ITSN1: variants seen among roughly 807,000 people sequenced by gnomAD.
ITSN1 encodes the protein intersectin-1.
Under a neutral mutation model 239.8 loss-of-function variants are expected in ITSN1, and 58 were observed. The observed-to-expected ratio is 0.24, with a 90% CI of 0.20 to 0.30. ITSN1 has a LOEUF of 0.30. Among genes scored for constraint, ITSN1 ranks in the 10% least tolerant of loss-of-function variants. The probability of loss-of-function intolerance (pLI) is 1.00; values close to 1 mark genes in which losing one functional copy is unlikely to be tolerated. For synonymous variants in ITSN1, 780 were observed against 770.8 expected, an observed-to-expected ratio of 1.01 and a Z score of -0.20; for missense variants, 1,558 against 2,103.3, an observed-to-expected ratio of 0.74 and a Z score of 5.07.
chr21:33,880,748 C>G (rs1156349122), intron 34 of ITSN1, among the ~76,000 whole-genome samples: 1 of 152,154 alleles, frequency 6.6e-6, no homozygotes, highest in Non-Finnish European at 1.5e-5. Flanking sequence ...CAGGACAGAG[C>G]TCCGGAGCGC....
In ITSN1 at chr21:33,642,611, C is replaced by G. The variant is rs1006782667; in HGVS notation, c.-135C>G. ...GCTCCGGGACGGACAGAGAGGCGGG[C>G]GGGGATGGTGTGCGGGGCTGCGGCT... On this transcript the variant is annotated 5_prime_UTR_variant, in exon 1 of 40. Transcript: ENST00000381318. The G allele has an allele frequency of 7.9e-5, 12 of 152,684 alleles. No homozygotes were observed. The highest frequency in any genetic ancestry group is 2.7e-4 in the African/African-American group (11 of 41,432). The allele number at this position is 152,684 out of a possible 1,614,324, so 9.5% of individuals were successfully genotyped here.
chr21:33,761,954 A>T lies in ITSN1; in HGVS notation c.756A>T (p.Ser252=). 1 of 1,613,896 alleles carries T rather than the reference A, an allele frequency of 6.2e-7. No individual in the cohort carries two copies. Among genetic ancestry groups the T allele is most frequent in the African/African-American group, 1.3e-5 (1 of 75,038 alleles). The part of the protein sequence containing the change: ...GPQARTILMQ[S]SLPQAQLASI... ...AAGCAAGAACTATTCTTATGCAGTC[A>T]AGTTTACCACAGGCTCAGCTGGCTT... The change falls in exon 9 of 40, where the codon TCA becomes TCT. Residue 252 remains serine (S), a synonymous_variant. Coordinates refer to ENST00000381318, the MANE Select transcript of ITSN1 (RefSeq NM_003024.3).
chr21:33,781,406 G>A (rs1054582512), intron 14 of ITSN1, 55 bp from the exon 15 acceptor site: 31 of 927,410 alleles, frequency 3.3e-5, no homozygotes, highest in Middle Eastern at 2.1e-4. Context: ...GGATCTTAAT[G>A]TAGATGTGGT....
chr21:33,670,162 T>G (rs2090177560), intron 1 of ITSN1, among the ~76,000 whole-genome samples: 1 of 152,126 alleles, frequency 6.6e-6, no homozygotes, highest in African/African-American at 2.4e-5. Flanking sequence ...AGGACCAGCT[T>G]GGACAACATA....
chr21:33,819,344 A>G (rs765079997), intron 24 of ITSN1, 21 bp downstream of exon 24: 2 of 1,584,136 alleles, frequency 1.3e-6, no homozygotes, highest in Middle Eastern at 1.7e-4. Context: ...GAGTTGTATT[A>G]TGTTCTTCAG....
intron 1 of ITSN1, among the ~76,000 whole-genome samples, chr21:33,709,803 A>G (rs1359684843): frequency 3.3e-5 from 5 of 152,150 alleles, no homozygotes; most frequent in Non-Finnish European, 7.3e-5. Flanking sequence ...AAATAGTGAT[A>G]TCTGTAAATA....
intron 1 of ITSN1, among the ~76,000 whole-genome samples, chr21:33,704,490 T>C (rs1444164817): frequency 6.6e-6 from 1 of 152,196 alleles, no homozygotes; most frequent in Non-Finnish European, 1.5e-5. Flanking sequence ...ATCCAGACTC[T>C]CTCTTCCATT....
intron 27 of ITSN1, among the ~76,000 whole-genome samples, chr21:33,834,006 T>C (rs1381084611): frequency 6.6e-6 from 1 of 152,042 alleles, no homozygotes; most frequent in African/African-American, 2.4e-5. Context: ...AACAGCTGAG[T>C]GCTAGCATTA....
rs1362702244 is a variant in ITSN1 at position 33,891,144 on chromosome 21, C to T, written c.*2844C>T. On this transcript the variant is annotated 3_prime_UTR_variant, in exon 40 of 40. Transcript: ENST00000381318. ...GATGGACAGCATCATCTCCTGGAAC[C>T]AGGTTTGCTGTGACCATGAGAGCCT... 2 of 152,292 alleles carry T rather than the reference C, an allele frequency of 1.3e-5. No homozygotes were observed. Among genetic ancestry groups the T allele is most frequent in the Non-Finnish European group, 2.9e-5 (2 of 68,120 alleles). The allele number at this position is 152,292 out of a possible 1,614,324, so 9.4% of individuals were successfully genotyped here.
chr21:33,773,002 T>TC (rs1267253760), intron 12 of ITSN1, among the ~76,000 whole-genome samples: 2 of 143,344 alleles, frequency 1.4e-5, no homozygotes, highest in Non-Finnish European at 1.5e-5. Context: ...GCAATCTTCT[T>TC]TTTTTTTTTT....
intron 27 of ITSN1, among the ~76,000 whole-genome samples, chr21:33,830,800 T>A (rs1290386154): frequency 7.9e-5 from 12 of 151,826 alleles, no homozygotes; most frequent in Admixed American, 7.9e-4. Flanking sequence ...AGAATATTCT[T>A]ATTTTTAGGA....
intron 8 of ITSN1, among the ~76,000 whole-genome samples, chr21:33,759,339 G>A (rs1405758649): frequency 6.6e-6 from 1 of 152,212 alleles, no homozygotes; most frequent in Non-Finnish European, 1.5e-5. Flanking sequence ...AGTTAAAGTA[G>A]TTTTGTTAAT....
At chr21:33,721,952 G>GGCT (rs1194414281) in intron 3 of ITSN1, 1 of 149,974 alleles carries the variant, frequency 6.7e-6, no homozygotes, top group Non-Finnish European at 1.5e-5. Context: ...TTGTTACCCA[G>GGCT]GCTGGAGTAC....
chr21:33,736,113 T>G (rs2066485304), intron 5 of ITSN1, among the ~76,000 whole-genome samples: 1 of 152,242 alleles, frequency 6.6e-6, no homozygotes, highest in Non-Finnish European at 1.5e-5. Flanking sequence ...TTCTAGACTT[T>G]AGGTTAATTT....
chr21:33,811,372 T>C (rs2072906728), intron 21 of ITSN1, 150 bp downstream of exon 21: 2 of 681,092 alleles, frequency 2.9e-6, no homozygotes, highest in South Asian at 4.6e-5. Context: ...AGCTGGCGAA[T>C]TGGAGATTAC....
chr21:33,832,405 G>A (rs2074346981), intron 27 of ITSN1, among the ~76,000 whole-genome samples: 1 of 152,208 alleles, frequency 6.6e-6, no homozygotes, highest in African/African-American at 2.4e-5. Context: ...CTAGCACCTT[G>A]GAGGCAGCAG....
intron 30 of ITSN1, among the ~76,000 whole-genome samples, chr21:33,858,170 C>T (rs1388348341): frequency 1.3e-5 from 2 of 152,202 alleles, no homozygotes; most frequent in African/African-American, 4.8e-5. Context: ...TGTCCAGGGT[C>T]AGCCCAGGAG....
intron 29 of ITSN1, among the ~76,000 whole-genome samples, chr21:33,848,369 C>T (rs2075049428): frequency 1.3e-5 from 2 of 152,208 alleles, no homozygotes; most frequent in Admixed American, 1.3e-4. Flanking sequence ...CAGGAGGAAC[C>T]AGCCCTGTTG....
In ITSN1 at chr21:33,819,807, C is replaced by A. The variant is rs368746558; in HGVS notation, c.3016+484C>A. On this transcript the variant is annotated intron_variant, in intron 24 of 39. Transcript: ENST00000381318. The stretch of plus-strand genomic sequence containing the variant: ...ACCATCCTGGCTAACAAGGTGAAAC[C>A]CCGTCTCTACTAAAAATACAAAAAA... Among the ~76,000 whole-genome samples, 46 of 151,824 alleles carry A rather than the reference C, an allele frequency of 3.0e-4. No homozygotes were observed. The East Asian group carries it at 7.2e-3, about 24-fold the overall frequency.
Sources: allele counts gnomAD v4.1 joint callset (sites outside exome capture counted in the v4.1 genomes callset), GRCh38; gene constraint gnomAD v4.1.1; transcripts MANE v1.5; gene names NCBI Gene and HGNC (gene_info 2026-07-23, HGNC 2026-07-21).